The following GRM5 variants were observed in gnomAD, a reference collection of about 807,000 sequenced individuals.
The protein encoded by GRM5 is metabotropic glutamate receptor 5.
Under a neutral mutation model 83.1 loss-of-function variants are expected in GRM5, and 19 were observed. The ratio of observed to expected loss-of-function variants is 0.23; its 90% CI spans 0.16 to 0.34. The LOEUF is 0.34. Ranked by LOEUF, GRM5 falls within the 10% of genes least tolerant of loss-of-function variation. The pLI, the probability that GRM5 is intolerant of heterozygous loss-of-function variation, is 1.00. For missense variants in GRM5, 1,160 were observed against 1,588.3 expected (o/e 0.73, Z 4.58); for synonymous variants, 675 against 633.6 (o/e 1.07, Z -0.98).
chr11:88,737,606 C>G (rs1941945203), intron 3 of GRM5, among the ~76,000 whole-genome samples: 1 of 151,904 alleles, frequency 6.6e-6, no homozygotes, highest in African/African-American at 2.4e-5. Context: ...ACTGACATGC[C>G]AGTATGGAGA....
At chr11:89,038,084 A>G (rs1269972178) in intron 2 of GRM5, among the ~76,000 whole-genome samples, 2 of 152,080 alleles carry the variant, frequency 1.3e-5, no homozygotes, top group African/African-American at 4.8e-5. Flanking sequence ...CAAATAACTT[A>G]TGAGTTATCC....
chr11:89,021,300 G>A (rs11018429), intron 2 of GRM5, among the ~76,000 whole-genome samples: 2,713 of 152,132 alleles, frequency 0.018, 54 homozygotes, highest in East Asian at 0.073. Context: ...CACTAACAAG[G>A]TCACTCCATC....
At chr11:88,760,999 C>A (rs1057405519) in intron 3 of GRM5, among the ~76,000 whole-genome samples, 1 of 151,916 alleles carries the variant, frequency 6.6e-6, no homozygotes, top group South Asian at 2.1e-4. Context: ...TCAAAAAATG[C>A]AATACTGCTT....
At chr11:88,976,793 T>G (rs1172073280) in intron 2 of GRM5, among the ~76,000 whole-genome samples, 2 of 151,978 alleles carry the variant, frequency 1.3e-5, no homozygotes, top group African/African-American at 2.4e-5. Context: ...TTTTCAGAGA[T>G]AAAAATGGAA....
intron 3 of GRM5, among the ~76,000 whole-genome samples, chr11:88,835,095 G>A (rs1944069416): frequency 6.6e-6 from 1 of 152,084 alleles, no homozygotes; most frequent in Admixed American, 6.6e-5. Context: ...TCTAGTGTAA[G>A]AGGGAAAAGA....
intron 2 of GRM5, among the ~76,000 whole-genome samples, chr11:88,978,078 T>G (rs1304365777): frequency 6.6e-6 from 1 of 152,180 alleles, no homozygotes; most frequent in African/African-American, 2.4e-5. Flanking sequence ...CTGCTCCACT[T>G]GAAGCCAACC....
At chr11:88,839,869 G>A (rs1944164877) in intron 3 of GRM5, among the ~76,000 whole-genome samples, 1 of 152,034 alleles carries the variant, frequency 6.6e-6, no homozygotes, top group Non-Finnish European at 1.5e-5. Flanking sequence ...ATTATATACT[G>A]TATTCTTATA....
chr11:88,863,200 T>C (rs1200955122), intron 2 of GRM5, among the ~76,000 whole-genome samples: 1 of 152,118 alleles, frequency 6.6e-6, no homozygotes, highest in Non-Finnish European at 1.5e-5. Context: ...GAAGATAGTA[T>C]GGCAATTCCT....
chr11:88,525,889 C>A (rs1359149088), intron 8 of GRM5, among the ~76,000 whole-genome samples: 1 of 152,150 alleles, frequency 6.6e-6, no homozygotes, highest in Non-Finnish European at 1.5e-5. Flanking sequence ...GCAAATTAAT[C>A]AAAGATTAGT....
intron 3 of GRM5, among the ~76,000 whole-genome samples, chr11:88,805,311 C>G (rs1160013117): frequency 6.6e-6 from 1 of 152,132 alleles, no homozygotes; most frequent in African/African-American, 2.4e-5. Flanking sequence ...CCTGCCTCAG[C>G]CTCCTGTGTA....
chr11:88,904,970 A>T (rs1945379345), intron 2 of GRM5, among the ~76,000 whole-genome samples: 1 of 152,162 alleles, frequency 6.6e-6, no homozygotes. Flanking sequence ...CTTATTACCT[A>T]GTCAATAGTT....
intron 7 of GRM5, among the ~76,000 whole-genome samples, chr11:88,575,921 T>A (rs903649624): frequency 1.3e-5 from 2 of 152,204 alleles, no homozygotes; most frequent in Non-Finnish European, 2.9e-5. Flanking sequence ...TTGTTTTTTT[T>A]AATTGGTTAT....
chr11:89,022,179 T>C lies in GRM5; in HGVS notation c.661+25033A>G, dbSNP rs180777982. Among the ~76,000 whole-genome samples, 689 of 152,250 alleles carry C rather than the reference T, an allele frequency of 4.5e-3. 6 individuals are homozygous for C. Among genetic ancestry groups the C allele is most frequent in the African/African-American group, 0.016 (656 of 41,536 alleles). On this transcript the variant is annotated intron_variant, in intron 2 of 9. Transcript: ENST00000305447. ...GCTCATTTCATGCATTTTCTTTCTA[T>C]GCTTGTGAAAGCTGGTTTTTGTAGC...
intron 3 of GRM5, among the ~76,000 whole-genome samples, chr11:88,794,093 T>C (rs1292567308): frequency 1.3e-5 from 2 of 152,062 alleles, no homozygotes; most frequent in African/African-American, 2.4e-5. Flanking sequence ...GCCTCGAAAA[T>C]TGCTGGGATT....
intron 4 of GRM5, among the ~76,000 whole-genome samples, chr11:88,636,735 G>A (rs1939134944): frequency 6.6e-6 from 1 of 152,158 alleles, no homozygotes; most frequent in African/African-American, 2.4e-5. Flanking sequence ...TGTATAAGGT[G>A]TAAGGAAGGG....
chr11:88,753,718 G>A, intron 3 of GRM5, among the ~76,000 whole-genome samples: 1 of 152,104 alleles, frequency 6.6e-6, no homozygotes, highest in Middle Eastern at 3.4e-3. Context: ...GTGTTACATA[G>A]ACACTGTATT....
chr11:89,054,731 G>A lies in GRM5; in HGVS notation c.-200-6659C>T, dbSNP rs191345505. ...TTTGTGAAGTGAGGAGAGAGAAGCA[G>A]TAAAATGTGAAGTATTCATGTTGTA... On this transcript the variant is annotated intron_variant, in intron 1 of 9. Coordinates refer to ENST00000305447, the MANE Select transcript of GRM5 (RefSeq NM_001143831.3). Among the ~76,000 whole-genome samples the A allele has an allele frequency of 8.5e-5, 13 of 152,252 alleles. 1 individual carries two copies. The East Asian group carries it at 2.5e-3, about 29-fold the overall frequency.
At chr11:88,637,571 C>T (rs1939168529) in intron 4 of GRM5, among the ~76,000 whole-genome samples, 1 of 149,436 alleles carries the variant, frequency 6.7e-6, no homozygotes. Flanking sequence ...CCATCACTGG[C>T]CATCAGAGAA....
At chr11:88,986,062 T>A (rs1939697530) in intron 2 of GRM5, among the ~76,000 whole-genome samples, 1 of 152,172 alleles carries the variant, frequency 6.6e-6, no homozygotes, top group Admixed American at 6.5e-5. Flanking sequence ...TACATATAAA[T>A]GTGTACACAA....
Sources: allele counts gnomAD v4.1 joint callset (sites outside exome capture counted in the v4.1 genomes callset), GRCh38; gene constraint gnomAD v4.1.1; transcripts MANE v1.5; gene names NCBI Gene and HGNC (gene_info 2026-07-23, HGNC 2026-07-21).